DLG2: variants seen among roughly 807,000 people sequenced by gnomAD.
The protein encoded by DLG2 is discs large MAGUK scaffold protein 2.
A neutral mutation model predicts 132.5 loss-of-function variants in DLG2; 45 were observed. That is an observed-to-expected ratio of 0.34 (90% CI 0.27 to 0.44). DLG2 has a LOEUF of 0.44. DLG2 is among the 20% of genes least tolerant of loss of function. The pLI, the probability that DLG2 is intolerant of heterozygous loss-of-function variation, is 1.00. For missense variants in DLG2, 1,045 were observed against 1,196.9 expected (o/e 0.87, Z 1.87); for synonymous variants, 424 against 419.6 (o/e 1.01, Z -0.13).
At chr11:84,753,894 G>T (rs776332309) in intron 6 of DLG2, among the ~76,000 whole-genome samples, 2 of 152,180 alleles carry the variant, frequency 1.3e-5, no homozygotes, top group Admixed American at 6.5e-5. Flanking sequence ...AAAGTTTTAG[G>T]AAAGGATAAG....
chr11:84,444,274 T>G (rs2099026340), intron 7 of DLG2, among the ~76,000 whole-genome samples: 1 of 152,136 alleles, frequency 6.6e-6, no homozygotes. Context: ...GTGCTGGGCT[T>G]ATATCTAGGT....
At chr11:85,201,080 G>A (rs945392001) in intron 4 of DLG2, among the ~76,000 whole-genome samples, 4 of 152,108 alleles carry the variant, frequency 2.6e-5, no homozygotes, top group Non-Finnish European at 4.4e-5. Flanking sequence ...TCCCACTGCA[G>A]TTGAGGAACT....
At chr11:85,370,696 C>A (rs2084908893) in intron 3 of DLG2, among the ~76,000 whole-genome samples, 1 of 152,144 alleles carries the variant, frequency 6.6e-6, no homozygotes, top group South Asian at 2.1e-4. Context: ...TTCCGAAAAT[C>A]AAACTTCAGT....
chr11:84,433,072 T>C lies in DLG2; in HGVS notation c.519+101498A>G, dbSNP rs573191406. Among the ~76,000 whole-genome samples the C allele has an allele frequency of 9.9e-5, 15 of 152,216 alleles. No individual in the cohort carries two copies. The East Asian group carries it at 1.7e-3, about 18-fold the overall frequency. On this transcript the variant is annotated intron_variant, in intron 7 of 27. Transcript: ENST00000376104. ...AGGTGAGTATGGCCTAATGTCAGGA[T>C]ATGTGGGGTTGGTTACATCACTCAT...
intron 6 of DLG2, among the ~76,000 whole-genome samples, chr11:85,023,631 G>T (rs1249159913): frequency 2.0e-5 from 3 of 151,822 alleles, no homozygotes; most frequent in South Asian, 4.2e-4. Context: ...CAGCAGAAAA[G>T]AAAAAATCAA....
chr11:84,901,030 T>C (rs2040710727), intron 6 of DLG2, among the ~76,000 whole-genome samples: 2 of 151,932 alleles, frequency 1.3e-5, no homozygotes, highest in Non-Finnish European at 2.9e-5. Context: ...CATATGTAAA[T>C]TAGCTAACAA....
At chr11:84,390,727 T>C (rs1424127880) in intron 7 of DLG2, among the ~76,000 whole-genome samples, 1 of 152,200 alleles carries the variant, frequency 6.6e-6, no homozygotes, top group Non-Finnish European at 1.5e-5. Flanking sequence ...GGAATTTATT[T>C]CATAAATACA....
chr11:85,227,616 T>C (rs1288161274), intron 4 of DLG2, among the ~76,000 whole-genome samples: 1 of 152,100 alleles, frequency 6.6e-6, no homozygotes, highest in Non-Finnish European at 1.5e-5. Context: ...TCTTAAGGAA[T>C]AAGGAGTTTA....
intron 6 of DLG2, among the ~76,000 whole-genome samples, chr11:85,052,450 A>G (rs758259854): frequency 3.4e-4 from 52 of 152,230 alleles, no homozygotes; most frequent in Non-Finnish European, 4.0e-4. Context: ...TAAAGGGCCA[A>G]ACATTTTGCA....
intron 6 of DLG2, among the ~76,000 whole-genome samples, chr11:84,966,842 A>G (rs1250373169): frequency 6.6e-6 from 1 of 152,114 alleles, no homozygotes; most frequent in Non-Finnish European, 1.5e-5. Context: ...AAGATTCTGA[A>G]AGTATGGGGC....
chr11:84,600,255 G>A (rs552530386), intron 6 of DLG2, among the ~76,000 whole-genome samples: 1 of 151,610 alleles, frequency 6.6e-6, no homozygotes, highest in Admixed American at 6.6e-5. Context: ...AAGCAAGCAA[G>A]CAGGCAGGCA....
At chr11:84,877,383 A>T (rs77548863) in intron 6 of DLG2, among the ~76,000 whole-genome samples, 14 of 151,972 alleles carry the variant, frequency 9.2e-5, no homozygotes, top group African/African-American at 3.4e-4. Flanking sequence ...GTGGGGGCAT[A>T]TATATTTAGG....
intron 4 of DLG2, among the ~76,000 whole-genome samples, chr11:85,284,009 A>C (rs1222411959): frequency 1.3e-5 from 2 of 151,982 alleles, no homozygotes; most frequent in African/African-American, 4.8e-5. Context: ...AAATCATGGA[A>C]TATTCATAGC....
chr11:84,799,846 C>T (rs1324920586), intron 6 of DLG2, among the ~76,000 whole-genome samples: 1 of 152,114 alleles, frequency 6.6e-6, no homozygotes, highest in East Asian at 1.9e-4. Flanking sequence ...TAAGTGTTTT[C>T]ATTTGTTTTT....
chr11:84,031,231 G>GT (rs977904196), intron 11 of DLG2, among the ~76,000 whole-genome samples: 7 of 80,766 alleles, frequency 8.7e-5, no homozygotes, highest in Admixed American at 5.0e-4. Context: ...TTCCAGAAAG[G>GT]TAAAAAAAAA....
intron 19 of DLG2, among the ~76,000 whole-genome samples, chr11:83,550,146 G>T (rs1466242283): frequency 1.3e-5 from 2 of 152,138 alleles, no homozygotes; most frequent in Non-Finnish European, 2.9e-5. Context: ...GTTGGCAAAT[G>T]TCCATTTCTA....
chr11:84,012,216 T>C (rs1366737101), intron 11 of DLG2, among the ~76,000 whole-genome samples: 1 of 152,172 alleles, frequency 6.6e-6, no homozygotes, highest in Non-Finnish European at 1.5e-5. Context: ...GTAGCTGTCA[T>C]GAAACATTTT....
chr11:84,970,028 G>A (rs1303730814), intron 6 of DLG2, among the ~76,000 whole-genome samples: 2 of 152,044 alleles, frequency 1.3e-5, no homozygotes, highest in African/African-American at 4.8e-5. Context: ...GGGGTGGGGG[G>A]CTAGGAGAGG....
At chr11:83,499,786 TTA>T (rs2138963998) in intron 21 of DLG2, among the ~76,000 whole-genome samples, 1 of 140,202 alleles carries the variant, frequency 7.1e-6, no homozygotes, top group African/African-American at 2.6e-5. Context: ...TATATATATA[TTA>T]TATATATAAT....
Sources: gnomAD v4.1 joint callset for allele counts (sites outside exome capture counted in the v4.1 genomes callset) on GRCh38, gnomAD v4.1.1 for gene constraint, MANE v1.5 for transcripts, NCBI Gene and HGNC (gene_info 2026-07-23, HGNC 2026-07-21) for gene names.